AMD1: variants seen among roughly 807,000 people sequenced by gnomAD.
AMD1 encodes adenosylmethionine decarboxylase 1, also known as S-adenosylmethionine decarboxylase proenzyme.
AMD1 carries 11 observed loss-of-function variants against 40.2 expected under a neutral mutation model. The observed-to-expected ratio is 0.27, with a 90% CI of 0.17 to 0.45. The LOEUF (loss-of-function observed/expected upper bound fraction) is 0.45, where lower values mean the gene tolerates loss of function less well. Ranked by LOEUF, AMD1 falls within the 20% of genes least tolerant of loss-of-function variation. The pLI is 1.00. For synonymous variants in AMD1, 121 were observed against 130.8 expected (o/e 0.93, Z 0.51); for missense variants, 257 against 410.2 (o/e 0.63, Z 3.23).
At chr6:110,815,258 C>CGCGT in the AMD1 span, 1 of 1,037,862 alleles carries the variant, frequency 9.6e-7, no homozygotes, top group East Asian at 3.4e-5. Context: ...CGCGCGCGCG[C>CGCGT]CGCCCGCCGC....
chr6:110,848,004 G>A, the AMD1 span, among the ~76,000 whole-genome samples: 1 of 151,626 alleles, frequency 6.6e-6, no homozygotes, highest in East Asian at 2.0e-4. Context: ...ATGAGCCACC[G>A]CACCCGGCCA....
At chr6:110,880,541 G>A (rs968753695) in intron 1 of AMD1, among the ~76,000 whole-genome samples, 3 of 152,170 alleles carry the variant, frequency 2.0e-5, no homozygotes, top group African/African-American at 4.8e-5. Context: ...TGTTTATGAT[G>A]TAAGGTAAAA....
intron 1 of AMD1, among the ~76,000 whole-genome samples, chr6:110,886,179 T>C (rs1051984021): frequency 7.1e-4 from 106 of 149,216 alleles, no homozygotes; most frequent in Non-Finnish European, 2.7e-4. Flanking sequence ...GCAGAGATCA[T>C]GCCACTGGAC....
At chr6:110,858,580 T>C in the AMD1 span, 2 of 1,595,772 alleles carry the variant, frequency 1.3e-6, no homozygotes, top group Middle Eastern at 2.2e-4. Context: ...TGTTTGAGAG[T>C]GGGAACATGA....
chr6:110,875,014 GA>G lies in AMD1; in HGVS notation c.-90del. ...AACCTGAACTTTAGTAACACAGCTGGAACAATCCGCAGCGGCGGCGGCAGCG... is the reference window on the plus strand; with the variant it reads ...AACCTGAACTTTAGTAACACAGCTGGACAATCCGCAGCGGCGGCGGCAGCG... On this transcript the variant is annotated 5_prime_UTR_variant, in exon 1 of 9. Transcript: ENST00000368885. 1.0e-6 allele frequency: 1 copy of G among 983,724 alleles called. No homozygotes were observed. 60.9% of individuals were successfully genotyped at this position (983,724 alleles called of 1,614,324 possible). A position where few individuals can be genotyped will look rare whatever the true frequency, so the allele number is the denominator to read the frequency against.
At position 110,874,819 on chromosome 6, in the gene AMD1, C is replaced by G. The variant is rs1013013605; in HGVS notation, c.-287C>G. ...GTATGGCCGGCGACATTAGCTAGCGCTCGCTCTACTCTCTCTAACGGGAAA... is the reference window on the plus strand; with the variant it reads ...GTATGGCCGGCGACATTAGCTAGCGGTCGCTCTACTCTCTCTAACGGGAAA... On this transcript the variant is annotated 5_prime_UTR_variant, in exon 1 of 9. Transcript: ENST00000368885. The G allele has an allele frequency of 2.5e-5, 8 of 325,304 alleles. No individual in the cohort carries two copies. Among genetic ancestry groups the G allele is most frequent in the Admixed American group, 9.2e-5 (2 of 21,630 alleles). 20.2% of individuals were successfully genotyped at this position (325,304 alleles called of 1,614,324 possible).
the AMD1 span, among the ~76,000 whole-genome samples, chr6:110,840,656 T>C: frequency 6.6e-6 from 1 of 150,878 alleles, no homozygotes; most frequent in African/African-American, 2.4e-5. Flanking sequence ...CTCGGGTTTT[T>C]ATGGAAAATT....
rs1786113373 is a variant in AMD1 at position 110,892,914 on chromosome 6, C to CTTA, written c.716_718dup (p.Tyr239dup). The CTTA allele has an allele frequency of 6.2e-7, 1 of 1,613,974 alleles. No individual in the cohort carries two copies. The highest frequency in any genetic ancestry group is 2.2e-5 in the East Asian group (1 of 44,870). On this transcript the variant is annotated inframe_insertion, in exon 8 of 9. Coordinates refer to ENST00000368885, the MANE Select transcript of AMD1 (RefSeq NM_001634.6). Reference sequence around the variant, plus strand: ...ACTGTGAACTTTTTCTCTCAGGGAACTTATTGGACTATTCACATCACTCCA... The same window carrying CTTA: ...ACTGTGAACTTTTTCTCTCAGGGAACTTATTATTGGACTATTCACATCACTCCA...
chr6:110,865,051 G>A, the AMD1 span, among the ~76,000 whole-genome samples: 1 of 152,216 alleles, frequency 6.6e-6, no homozygotes, highest in Non-Finnish European at 1.5e-5. Flanking sequence ...GTTGAAGTAG[G>A]AGAAAGACCT....
At chr6:110,890,840 A>G (rs1785975862) in intron 4 of AMD1, 1 of 152,256 alleles carries the variant, frequency 6.6e-6, no homozygotes, top group Non-Finnish European at 1.5e-5. Flanking sequence ...ATCTTTATAT[A>G]GCTTGTAATT....
the AMD1 span, among the ~76,000 whole-genome samples, chr6:110,847,466 A>C: frequency 6.6e-6 from 1 of 151,562 alleles, no homozygotes; most frequent in East Asian, 2.0e-4. Context: ...CGGAGCTTGC[A>C]GTGAGCCGAG....
chr6:110,837,172 C>CAAAAA, the AMD1 span, among the ~76,000 whole-genome samples: 2 of 23,906 alleles, frequency 8.4e-5, no homozygotes, highest in African/African-American at 2.8e-4. Flanking sequence ...CAGAGCGTCT[C>CAAAAA]AAAAAAAAAA....
chr6:110,843,651 A>G, the AMD1 span, among the ~76,000 whole-genome samples: 3 of 152,182 alleles, frequency 2.0e-5, no homozygotes, highest in East Asian at 5.8e-4. Flanking sequence ...CAGTGGCGCC[A>G]TCTTGGCTCA....
upstream of AMD1, among the ~76,000 whole-genome samples, chr6:110,871,189 A>T (rs972940413): frequency 5.9e-5 from 9 of 152,236 alleles, no homozygotes; most frequent in African/African-American, 2.2e-4. Context: ...TTCAATTGTA[A>T]TGGGAAACCC....
At chr6:110,849,724 G>T in the AMD1 span, among the ~76,000 whole-genome samples, 2 of 152,044 alleles carry the variant, frequency 1.3e-5, no homozygotes, top group Non-Finnish European at 2.9e-5. Context: ...ATTTCAGTAA[G>T]AATAAGAAAA....
chr6:110,846,473 G>A, the AMD1 span, among the ~76,000 whole-genome samples: 9 of 152,282 alleles, frequency 5.9e-5, no homozygotes, highest in Non-Finnish European at 8.8e-5. Context: ...GAAACTATCA[G>A]AGGAAACATT....
the AMD1 span, among the ~76,000 whole-genome samples, chr6:110,839,404 A>G: frequency 6.6e-6 from 1 of 152,162 alleles, no homozygotes; most frequent in African/African-American, 2.4e-5. Context: ...GTTTCTGACC[A>G]AAGGTGTAGG....
chr6:110,880,630 T>C (rs1166009845), intron 1 of AMD1, among the ~76,000 whole-genome samples: 1 of 148,700 alleles, frequency 6.7e-6, no homozygotes, highest in Admixed American at 6.8e-5. Flanking sequence ...TTCCCTGTTA[T>C]GTAGGCTTGG....
chr6:110,859,176 A>C, the AMD1 span: 52 of 940,592 alleles, frequency 5.5e-5, no homozygotes, highest in Non-Finnish European at 7.9e-5. Context: ...TCCCCATATC[A>C]TCTCCCCGTC....
Sources: gnomAD v4.1 joint callset for allele counts (sites outside exome capture counted in the v4.1 genomes callset) on GRCh38, gnomAD v4.1.1 for gene constraint, MANE v1.5 for transcripts, NCBI Gene and HGNC (gene_info 2026-07-23, HGNC 2026-07-21) for gene names.